Variants in LRRTM4 observed in about 807,000 individuals in gnomAD.
LRRTM4 encodes leucine rich repeat transmembrane neuronal 4.
A neutral mutation model predicts 47.6 loss-of-function variants in LRRTM4; 25 were observed. The observed-to-expected ratio is 0.53, with a 90% CI of 0.38 to 0.73. The LOEUF (loss-of-function observed/expected upper bound fraction) is 0.73, where lower values mean the gene tolerates loss of function less well. Among genes scored for constraint, LRRTM4 ranks in the 30% least tolerant of loss-of-function variants. LRRTM4 has a pLI of 0.00. For synonymous variants in LRRTM4, 311 were observed against 269.5 expected (o/e 1.15, Z -1.51); for missense variants, 638 against 713.4 (o/e 0.89, Z 1.20).
intron 3 of LRRTM4, among the ~76,000 whole-genome samples, chr2:76,923,386 A>T (rs1209264644): frequency 6.6e-6 from 1 of 151,950 alleles, no homozygotes; most frequent in Non-Finnish European, 1.5e-5. Flanking sequence ...AAATAAAATT[A>T]CATAAATTTA....
chr2:77,413,932 G>T (rs1397424382), intron 3 of LRRTM4, among the ~76,000 whole-genome samples: 1 of 151,978 alleles, frequency 6.6e-6, no homozygotes, highest in Non-Finnish European at 1.5e-5. Flanking sequence ...GGATTGTGTG[G>T]ATAGCTGTGG....
chr2:76,898,053 G>A (rs943233343), intron 3 of LRRTM4, among the ~76,000 whole-genome samples: 1 of 152,114 alleles, frequency 6.6e-6, no homozygotes, highest in African/African-American at 2.4e-5. Flanking sequence ...TCCTATTAGA[G>A]TTTCTCTTTA....
At chr2:77,301,975 A>C (rs1677143559) in intron 3 of LRRTM4, among the ~76,000 whole-genome samples, 3 of 152,214 alleles carry the variant, frequency 2.0e-5, no homozygotes. Context: ...ACTCACCAGG[A>C]ATGAGAAAAG....
chr2:76,953,589 T>TA (rs1675568467), intron 3 of LRRTM4, among the ~76,000 whole-genome samples: 1 of 151,774 alleles, frequency 6.6e-6, no homozygotes, highest in African/African-American at 2.4e-5. Context: ...CACTGAGAGT[T>TA]AACTGGTATA....
chr2:77,319,172 G>A (rs531339068), intron 3 of LRRTM4, among the ~76,000 whole-genome samples: 7 of 152,154 alleles, frequency 4.6e-5, no homozygotes, highest in African/African-American at 1.7e-4. Flanking sequence ...ATCACTTGAG[G>A]TTGGGAGTTC....
chr2:77,115,089 G>A (rs905361468), intron 3 of LRRTM4, among the ~76,000 whole-genome samples: 10 of 152,062 alleles, frequency 6.6e-5, no homozygotes, highest in East Asian at 3.9e-4. Context: ...CAGAGCAGCC[G>A]TCTATAGACC....
rs115146866 is a variant in LRRTM4 at position 77,103,044 on chromosome 2, T to C, written c.1552-354128A>G. Among the ~76,000 whole-genome samples, 73 of 152,244 alleles carry C rather than the reference T, an allele frequency of 4.8e-4. 1 individual carries two copies. The highest frequency in any genetic ancestry group is 1.7e-3 in the African/African-American group (71 of 41,552). ...AGATTGAAGGGCAAATATGACCCCA[T>C]TTATATTGAACAAAGTTGGGCCCCA... On this transcript the variant is annotated intron_variant, in intron 3 of 3. Coordinates refer to ENST00000409884, the MANE Select transcript of LRRTM4 (RefSeq NM_001134745.3).
intron 3 of LRRTM4, among the ~76,000 whole-genome samples, chr2:76,881,208 CAT>C (rs1672919136): frequency 6.6e-6 from 1 of 152,074 alleles, no homozygotes. Flanking sequence ...GTACAGTTAT[CAT>C]GTGTCAAATT....
chr2:76,750,167 T>C (rs1404487388), intron 3 of LRRTM4, among the ~76,000 whole-genome samples: 2 of 152,258 alleles, frequency 1.3e-5, no homozygotes, highest in East Asian at 1.9e-4. Context: ...GTCTTCATTC[T>C]GGCTATATCA....
intron 3 of LRRTM4, among the ~76,000 whole-genome samples, chr2:76,775,449 C>T (rs1558644290): frequency 1.3e-5 from 2 of 152,076 alleles, no homozygotes; most frequent in Non-Finnish European, 1.5e-5. Context: ...CAGCCAGGGG[C>T]ATTGTTCAAT....
chr2:76,947,927 C>A (rs755078148), intron 3 of LRRTM4, among the ~76,000 whole-genome samples: 1 of 151,784 alleles, frequency 6.6e-6, no homozygotes, highest in Non-Finnish European at 1.5e-5. Flanking sequence ...TAGAAGCTGC[C>A]CAAATATCCT....
chr2:77,197,791 T>C (rs1314276617), intron 3 of LRRTM4, among the ~76,000 whole-genome samples: 1 of 152,196 alleles, frequency 6.6e-6, no homozygotes, highest in Non-Finnish European at 1.5e-5. Flanking sequence ...ATCATTATGA[T>C]ACAGAGTGAC....
chr2:77,199,498 C>T lies in LRRTM4; in HGVS notation c.1551+318820G>A, dbSNP rs1016789228. ...CTAATTTTGGATTTGTCATTTTTCT[C>T]TGTTTTGTTTTGTTTTGTTTCCTTT... On this transcript the variant is annotated intron_variant, in intron 3 of 3. Transcript: ENST00000409884. Among the ~76,000 whole-genome samples the T allele has an allele frequency of 2.6e-5, 4 of 151,940 alleles. No homozygotes were observed. The South Asian group carries it at 8.3e-4, about 32-fold the overall frequency.
chr2:77,346,328 T>C (rs2104286750), intron 3 of LRRTM4, among the ~76,000 whole-genome samples: 1 of 152,262 alleles, frequency 6.6e-6, no homozygotes, highest in Admixed American at 6.5e-5. Flanking sequence ...CACAATAAGA[T>C]AATTCATAGA....
chr2:77,432,883 C>T (rs575420778), intron 3 of LRRTM4, among the ~76,000 whole-genome samples: 1 of 152,276 alleles, frequency 6.6e-6, no homozygotes, highest in South Asian at 2.1e-4. Flanking sequence ...CCTTTCAATA[C>T]TTCTTACTAA....
chr2:77,273,266 A>G (rs914238356), intron 3 of LRRTM4, among the ~76,000 whole-genome samples: 1 of 152,182 alleles, frequency 6.6e-6, no homozygotes, highest in African/African-American at 2.4e-5. Context: ...AAATGCATAA[A>G]TTACATAGAA....
chr2:76,941,504 C>T (rs1006237796), intron 3 of LRRTM4, among the ~76,000 whole-genome samples: 15 of 151,942 alleles, frequency 9.9e-5, no homozygotes, highest in African/African-American at 2.9e-4. Flanking sequence ...GTTATGTTCC[C>T]CTCCCTGTGC....
At chr2:76,840,031 A>G (rs931564568) in intron 3 of LRRTM4, among the ~76,000 whole-genome samples, 1 of 152,148 alleles carries the variant, frequency 6.6e-6, no homozygotes, top group African/African-American at 2.4e-5. Context: ...TGCTGCCTAA[A>G]TACTGTTCTA....
chr2:77,102,112 A>G (rs558904463), intron 3 of LRRTM4, among the ~76,000 whole-genome samples: 1 of 152,250 alleles, frequency 6.6e-6, no homozygotes, highest in East Asian at 1.9e-4. Flanking sequence ...GCTTCTTTCT[A>G]TACTCAAATC....
Sources: allele counts gnomAD v4.1 joint callset (sites outside exome capture counted in the v4.1 genomes callset), GRCh38; gene constraint gnomAD v4.1.1; transcripts MANE v1.5; gene names NCBI Gene and HGNC (gene_info 2026-07-23, HGNC 2026-07-21).